ZNF518A: variants seen among roughly 807,000 people sequenced by gnomAD.
ZNF518A encodes the protein zinc finger protein 518.
In ZNF518A, 47 loss-of-function variants were observed where a neutral mutation model predicts 102.7. The observed-to-expected ratio is 0.46, with a 90% CI of 0.36 to 0.58. ZNF518A has a LOEUF of 0.58. ZNF518A is among the 20% of genes least tolerant of loss of function. The probability of loss-of-function intolerance (pLI) is 0.00; values close to 1 mark genes in which losing one functional copy is unlikely to be tolerated. For synonymous variants in ZNF518A, 652 were observed against 594.6 expected (o/e 1.10, Z -1.40); for missense variants, 1,793 against 1,699.8 (o/e 1.05, Z -0.96).
rs17232045 is a variant in ZNF518A, at chr10:96,200,313, A to G, written n.36-3261A>G. Among the ~76,000 whole-genome samples the G allele has an allele frequency of 0.051, 7,718 of 152,198 alleles. 277 individuals are homozygous for G. The highest frequency in any genetic ancestry group is 0.095 in the Middle Eastern group (28 of 294). The stretch of plus-strand genomic sequence containing the variant: ...AGTTTTATTTTTCCTTTGATCAAAC[A>G]CAAGGATTATACCGTTAACTTGTTT... On this transcript the variant is annotated intron_variant and non_coding_transcript_variant, in intron 1 of 2. Transcript: ENST00000442635. The surrounding 1 kb of genome is among the most constrained non-coding windows in gnomAD (Gnocchi z 4.3).
Position 96,155,311 on chromosome 10 carries a change from C to T in ZNF518A, c.-301-15C>T, listed in dbSNP as rs1320649927. ...AGACATAGGGGAAGTACTAATTTTT[C>T]CCCCCATTTTACAGATGAAGGAACT... On this transcript the variant is annotated splice_polypyrimidine_tract_variant and intron_variant, in intron 3 of 5. Coordinates refer to ENST00000316045, the MANE Select transcript of ZNF518A (RefSeq NM_001330736.2). 6.6e-6 allele frequency: 1 copy of T among 152,098 alleles called. No individual in the cohort carries two copies. Among genetic ancestry groups the T allele is most frequent in the African/African-American group, 2.4e-5 (1 of 41,402 alleles). The allele number at this position is 152,098 out of a possible 1,614,324, so 9.4% of individuals were successfully genotyped here.
Position 96,158,986 on chromosome 10 carries a change from T to G in ZNF518A, c.2664T>G (p.Leu888=), listed in dbSNP as rs1554885319. 2 of 1,613,630 alleles carry G rather than the reference T, an allele frequency of 1.2e-6. No individual in the cohort carries two copies. Among genetic ancestry groups the G allele is most frequent in the East Asian group, 2.2e-5 (1 of 44,880 alleles). The change falls in exon 6 of 6, where the codon CTT becomes CTG. Residue 888 remains leucine, a synonymous_variant. Transcript: ENST00000316045. ...GAATTTCAGGTTTTGGCACATTACT[T>G]AAGACTCAGTCAGATGCGATAATAA... ...MPRISGFGTL[L]KTQSDAIITQ...
chr10:96,150,590 CATT>C (rs2082390579), intron 3 of ZNF518A, among the ~76,000 whole-genome samples: 1 of 149,544 alleles, frequency 6.7e-6, no homozygotes, highest in Non-Finnish European at 1.5e-5. Flanking sequence ...TTTTCAAAAT[CATT>C]ATTCCTCCCG....
intron 1 of ZNF518A, among the ~76,000 whole-genome samples, chr10:96,193,911 T>G (rs2083392533): frequency 6.6e-6 from 1 of 152,228 alleles, no homozygotes; most frequent in South Asian, 2.1e-4. Context: ...ATGTTCAGTG[T>G]ATAGGGGACA....
chr10:96,174,132 T>TA (rs1334104324), intron 1 of ZNF518A, among the ~76,000 whole-genome samples: 40 of 151,976 alleles, frequency 2.6e-4, no homozygotes, highest in Middle Eastern at 3.4e-3. Context: ...ATTTAAAAAA[T>TA]AAAAAAACTT....
Position 96,158,641 on chromosome 10 carries a change from A to G in ZNF518A, c.2319A>G (p.Gln773=), listed in dbSNP as rs1554884886. 1.2e-6 allele frequency: 2 copies of G among 1,613,416 alleles called. No individual in the cohort carries two copies. The highest frequency in any genetic ancestry group is 1.7e-6 in the Non-Finnish European group (2 of 1,179,672). Residue 773 remains glutamine (Q), a synonymous_variant, in exon 6 of 6, where the codon CAA becomes CAG. Coordinates refer to ENST00000316045, the MANE Select transcript of ZNF518A (RefSeq NM_001330736.2). The part of the protein sequence containing the change: ...RITSVFSLQS[Q]QASEFLPPEV... Reference sequence around the variant, plus strand: ...CATCTGTTTTCTCTCTCCAGAGCCAACAGGCATCAGAATTTCTGCCACCTG... The same window carrying G: ...CATCTGTTTTCTCTCTCCAGAGCCAGCAGGCATCAGAATTTCTGCCACCTG...
At chr10:96,192,924 C>T (rs587602297) in intron 1 of ZNF518A, among the ~76,000 whole-genome samples, 3 of 152,270 alleles carry the variant, frequency 2.0e-5, no homozygotes, top group Admixed American at 2.0e-4. Flanking sequence ...TTAGCAGTTA[C>T]TATCAATTGA....
At position 96,146,236 on chromosome 10, in the gene ZNF518A, T is replaced by C. The variant is rs587693235; in HGVS notation, c.-301-9090T>C. On this transcript the variant is annotated intron_variant, in intron 3 of 5. Transcript: ENST00000316045. ...ATCATCATTTATTGGTGGACACTTA[T>C]TTTTAATTTTGTGATTTTATAAACG... Among the ~76,000 whole-genome samples the C allele has an allele frequency of 2.1e-3, 326 of 152,338 alleles. 1 individual carries two copies. The highest frequency in any genetic ancestry group is 7.3e-3 in the African/African-American group (305 of 41,568).
chr10:96,192,561 A>G (rs1554893741), intron 1 of ZNF518A, among the ~76,000 whole-genome samples: 1 of 152,120 alleles, frequency 6.6e-6, no homozygotes, highest in Non-Finnish European at 1.5e-5. Flanking sequence ...TTTCTTTTTT[A>G]AACAAATAAA....
chr10:96,149,568 C>G (rs2082332585), intron 3 of ZNF518A, among the ~76,000 whole-genome samples: 1 of 152,194 alleles, frequency 6.6e-6, no homozygotes, highest in African/African-American at 2.4e-5. Flanking sequence ...TTTAGCTTCC[C>G]CCTTCCTCCT....
chr10:96,146,991 T>A (rs1427403485), intron 3 of ZNF518A, among the ~76,000 whole-genome samples: 2 of 152,192 alleles, frequency 1.3e-5, no homozygotes, highest in Non-Finnish European at 2.9e-5. Context: ...GAAGTCTAGG[T>A]AAATCATGAG....
chr10:96,149,785 C>T (rs1237784920), intron 3 of ZNF518A, among the ~76,000 whole-genome samples: 1 of 152,122 alleles, frequency 6.6e-6, no homozygotes, highest in Non-Finnish European at 1.5e-5. Flanking sequence ...TTCTTTTTCT[C>T]CATCCAGTCT....
intron 1 of ZNF518A, among the ~76,000 whole-genome samples, chr10:96,172,785 AAAAC>A (rs1242123510): frequency 2.0e-5 from 3 of 152,160 alleles, no homozygotes; most frequent in Non-Finnish European, 2.9e-5. Flanking sequence ...AAACCTATAA[AAAAC>A]AAAAGCACAC....
chr10:96,149,373 A>T (rs782021030), intron 3 of ZNF518A, among the ~76,000 whole-genome samples: 3 of 152,196 alleles, frequency 2.0e-5, no homozygotes, highest in Non-Finnish European at 4.4e-5. Flanking sequence ...GTTTTGGCAT[A>T]GTGCCTACTC....
intron 1 of ZNF518A, among the ~76,000 whole-genome samples, chr10:96,186,337 C>T (rs1591281068): frequency 6.6e-6 from 1 of 152,232 alleles, no homozygotes; most frequent in Non-Finnish European, 1.5e-5. Context: ...TGTTACTATT[C>T]AGCCATCTTG....
chr10:96,133,565 A>T lies in ZNF518A; in HGVS notation c.-367-18A>T, dbSNP rs1024482892. The stretch of plus-strand genomic sequence containing the variant: ...TACCCTCAAAACACAGATGTCTCCT[A>T]CTCTTTGTGTTGGATAGGTCCTGGG... On this transcript the variant is annotated intron_variant, in intron 2 of 5. Coordinates refer to ENST00000316045, the MANE Select transcript of ZNF518A (RefSeq NM_001330736.2). 6.6e-6 allele frequency: 1 copy of T among 152,082 alleles called. No individual in the cohort carries two copies. The allele number at this position is 152,082 out of a possible 1,614,324, so 9.4% of individuals were successfully genotyped here.
At chr10:96,168,559 T>C (rs2083156312), downstream of ZNF518A, among the ~76,000 whole-genome samples, 1 of 152,186 alleles carries the variant, frequency 6.6e-6, no homozygotes. Context: ...ACTCAGCTTT[T>C]GTCTATCTAT....
intron 1 of ZNF518A, among the ~76,000 whole-genome samples, chr10:96,185,030 T>C (rs1554892424): frequency 6.6e-6 from 1 of 152,218 alleles, no homozygotes; most frequent in Non-Finnish European, 1.5e-5. Context: ...TAAACTTCTC[T>C]TCACACTTCG....
intron 1 of ZNF518A, among the ~76,000 whole-genome samples, chr10:96,169,578 T>G (rs2083161782): frequency 6.6e-6 from 1 of 152,230 alleles, no homozygotes; most frequent in Non-Finnish European, 1.5e-5. Context: ...TCTCTTTAGT[T>G]CTTTAAACAT....
Sources: allele counts gnomAD v4.1 joint callset (sites outside exome capture counted in the v4.1 genomes callset), GRCh38; gene constraint gnomAD v4.1.1; non-coding constraint Gnocchi (gnomAD v3.1); transcripts MANE v1.5; gene names NCBI Gene and HGNC (gene_info 2026-07-23, HGNC 2026-07-21).